Variants in RIC8B observed in about 807,000 individuals in gnomAD.
The protein encoded by RIC8B is RIC8 guanine nucleotide exchange factor B.
RIC8B carries 16 observed loss-of-function variants against 57.5 expected under a neutral mutation model. The observed-to-expected ratio is 0.28, with a 90% CI of 0.19 to 0.42. RIC8B has a LOEUF of 0.42. RIC8B is among the 10% of genes least tolerant of loss of function. RIC8B has a pLI of 1.00. For synonymous variants in RIC8B, 216 were observed against 250.8 expected, an observed-to-expected ratio of 0.86 and a Z score of 1.31; for missense variants, 481 against 677.0, an observed-to-expected ratio of 0.71 and a Z score of 3.21.
rs139773956 is a variant in RIC8B, at chr12:106,828,789, T to C, written c.836+2969T>C. On this transcript the variant is annotated intron_variant, in intron 4 of 9. Coordinates refer to ENST00000392837, the MANE Select transcript of RIC8B (RefSeq NM_001330145.2). ...GAATATTTAGTTATTTTAAATCTTT[T>C]TTTAAAAGTTGTTTGTTGATTTTGA... Among the ~76,000 whole-genome samples, 10 of 152,374 alleles carry C rather than the reference T, an allele frequency of 6.6e-5. No homozygotes were observed. In the East Asian group the frequency reaches 1.3e-3, roughly 21 times the overall value.
intron 8 of RIC8B, chr12:106,868,477 A>G (rs1445485205): frequency 8.7e-6 from 3 of 345,874 alleles, no homozygotes; most frequent in East Asian, 1.5e-4. Flanking sequence ...TTGTTTTTCT[A>G]ATTTAACAGG....
intron 8 of RIC8B, chr12:106,868,413 C>T: frequency 2.2e-6 from 1 of 451,032 alleles, no homozygotes; most frequent in Non-Finnish European, 4.5e-6. Flanking sequence ...ATTTTCTTTG[C>T]TTGGGAAGTG....
chr12:106,882,119 A>G (rs1950967662), intron 9 of RIC8B, among the ~76,000 whole-genome samples: 1 of 152,186 alleles, frequency 6.6e-6, no homozygotes, highest in Admixed American at 6.6e-5. Flanking sequence ...TTGCCTCTGC[A>G]TATTCTTCCC....
At chr12:106,814,586 C>T in intron 2 of RIC8B, 110 bp from the exon 3 acceptor site, 3 of 1,165,684 alleles carry the variant, frequency 2.6e-6, no homozygotes, top group South Asian at 1.6e-5. Context: ...TAATAAAAAC[C>T]TTTTCTCTCT....
intron 2 of RIC8B, among the ~76,000 whole-genome samples, chr12:106,786,814 TAAAAAG>T (rs1382434224): frequency 1.3e-5 from 2 of 151,848 alleles, no homozygotes; most frequent in Non-Finnish European, 2.9e-5. Context: ...AGCAAGGTGT[TAAAAAG>T]AACATGTTGT....
At chr12:106,840,692 C>T (rs1593271589) in intron 4 of RIC8B, among the ~76,000 whole-genome samples, 1 of 152,246 alleles carries the variant, frequency 6.6e-6, no homozygotes, top group South Asian at 2.1e-4. Context: ...AGCCTAAAAC[C>T]TCCAAATATT....
At chr12:106,850,962 T>TC (rs1949444920) in intron 6 of RIC8B, among the ~76,000 whole-genome samples, 1 of 151,690 alleles carries the variant, frequency 6.6e-6, no homozygotes, top group Non-Finnish European at 1.5e-5. Context: ...TATTTCAAAA[T>TC]CCCCCCAAAA....
At chr12:106,784,260 C>A (rs1398491693) in intron 2 of RIC8B, among the ~76,000 whole-genome samples, 6 of 152,202 alleles carry the variant, frequency 3.9e-5, no homozygotes, top group African/African-American at 7.2e-5. Flanking sequence ...ACTATTAACA[C>A]TTGTATAAAT....
At chr12:106,780,125 T>C (rs1162318173) in intron 1 of RIC8B, among the ~76,000 whole-genome samples, 2 of 152,106 alleles carry the variant, frequency 1.3e-5, no homozygotes, top group East Asian at 3.9e-4. Context: ...CATGATTCTT[T>C]ACATCGCAGG....
intron 3 of RIC8B, among the ~76,000 whole-genome samples, chr12:106,821,803 G>A (rs981486183): frequency 6.6e-6 from 1 of 151,708 alleles, no homozygotes; most frequent in African/African-American, 2.4e-5. Flanking sequence ...GGGCGTTCAG[G>A]TGCGGTGGCT....
intron 9 of RIC8B, among the ~76,000 whole-genome samples, chr12:106,874,123 A>G (rs1020116476): frequency 2.0e-5 from 3 of 152,280 alleles, no homozygotes; most frequent in Admixed American, 2.0e-4. Context: ...TCCTCTTTCT[A>G]GTTTCATTTT....
chr12:106,854,160 T>C (rs1382528637), intron 7 of RIC8B, among the ~76,000 whole-genome samples: 1 of 152,160 alleles, frequency 6.6e-6, no homozygotes, highest in Non-Finnish European at 1.5e-5. Flanking sequence ...GGTTAGCAGA[T>C]GTTCCATGTT....
chr12:106,782,129 G>A (rs1028117692), intron 1 of RIC8B, among the ~76,000 whole-genome samples: 2 of 152,056 alleles, frequency 1.3e-5, no homozygotes, highest in African/African-American at 4.8e-5. Flanking sequence ...TTTGTCAGGT[G>A]AATATATTAT....
intron 3 of RIC8B, among the ~76,000 whole-genome samples, chr12:106,820,507 C>A (rs1352987955): frequency 6.6e-6 from 1 of 152,140 alleles, no homozygotes; most frequent in East Asian, 1.9e-4. Flanking sequence ...TTCTAAATAT[C>A]TCTGTTGATG....
Position 106,878,908 on chromosome 12 carries a change from A to G in RIC8B, c.1572-6996A>G. ...GAACTATTATGCAGTACTCAATTAGAGGGAGGTGAATAGGTCTCTAACATG... is the reference window on the plus strand; with the variant it reads ...GAACTATTATGCAGTACTCAATTAGGGGGAGGTGAATAGGTCTCTAACATG... On this transcript the variant is annotated intron_variant, in intron 9 of 9. Transcript: ENST00000392837. 5.6e-6 allele frequency: 5 copies of G among 885,892 alleles called. No individual in the cohort carries two copies. The South Asian group carries it at 2.1e-4, about 37-fold the overall frequency. The allele number at this position is 885,892 out of a possible 1,614,324, so 54.9% of individuals were successfully genotyped here. A position where few individuals can be genotyped will look rare whatever the true frequency, so the allele number is the denominator to read the frequency against.
At chr12:106,810,013 A>G (rs2045262162) in intron 2 of RIC8B, among the ~76,000 whole-genome samples, 1 of 151,546 alleles carries the variant, frequency 6.6e-6, no homozygotes. Flanking sequence ...CTTCTTAGGA[A>G]GAAATAAAAC....
intron 2 of RIC8B, among the ~76,000 whole-genome samples, chr12:106,793,138 A>G (rs773999838): frequency 2.0e-5 from 3 of 152,200 alleles, no homozygotes; most frequent in Non-Finnish European, 4.4e-5. Flanking sequence ...CCGGGGCCAC[A>G]GTCATCCTGG....
At position 106,825,727 on chromosome 12, in the gene RIC8B, G is replaced by A. The variant is rs2046066919; in HGVS notation, c.743G>A (p.Ser248Asn). Residue 248 changes from serine (S) to asparagine (N), a missense_variant and splice_region_variant, in exon 4 of 10, where the codon AGT becomes AAT. Around this residue, in one of 3 missense-constraint regions of RIC8B, gnomAD observed 421 missense variants for 560.9 expected, o/e 0.75. Transcript: ENST00000392837. Reference protein sequence around the residue: ...TVDSWKVHKESDSHQFRVMAA... With the variant: ...TVDSWKVHKENDSHQFRVMAA... ...TCCTCTCTTTTTTATTTGCCATAGAGTGATTCTCATCAGTTCCGTGTAATG... is the reference window on the plus strand; with the variant it reads ...TCCTCTCTTTTTTATTTGCCATAGAATGATTCTCATCAGTTCCGTGTAATG... 2 of 1,611,792 alleles carry A rather than the reference G, an allele frequency of 1.2e-6. No individual in the cohort carries two copies. The highest frequency in any genetic ancestry group is 1.7e-6 in the Non-Finnish European group (2 of 1,177,962).
intron 6 of RIC8B, among the ~76,000 whole-genome samples, chr12:106,849,653 C>G (rs1026506948): frequency 4.0e-5 from 6 of 151,832 alleles, no homozygotes; most frequent in Non-Finnish European, 8.8e-5. Flanking sequence ...CTGAAAAGCC[C>G]TAGTTAACAG....
Sources: gnomAD v4.1 joint callset for allele counts (sites outside exome capture counted in the v4.1 genomes callset) on GRCh38, gnomAD v4.1.1 for gene constraint, gnomAD v4.1.1 regional missense constraint, MANE v1.5 for transcripts, NCBI Gene and HGNC (gene_info 2026-07-23, HGNC 2026-07-21) for gene names.